The following KIAA1671 variants were observed in gnomAD, a reference collection of about 807,000 sequenced individuals.
KIAA1671 encodes the protein KIAA1671.
Under a neutral mutation model 131.2 loss-of-function variants are expected in KIAA1671, and 52 were observed. The ratio of observed to expected loss-of-function variants is 0.40; its 90% CI spans 0.32 to 0.50. The LOEUF is 0.50. Ranked by LOEUF, KIAA1671 falls within the 20% of genes least tolerant of loss-of-function variation. The probability of loss-of-function intolerance (pLI) is 0.73; values close to 1 mark genes in which losing one functional copy is unlikely to be tolerated. For synonymous variants in KIAA1671, 1,003 were observed against 961.6 expected (o/e 1.04, Z -0.80); for missense variants, 2,360 against 2,364.2 (o/e 1.00, Z 0.04).
intron 1 of KIAA1671, among the ~76,000 whole-genome samples, chr22:25,004,113 G>A (rs1182671871): frequency 3.4e-5 from 5 of 147,788 alleles, no homozygotes; most frequent in East Asian, 3.9e-4. Context: ...CACTGTGCCC[G>A]GCCATTTTTT....
At chr22:25,100,503 C>T (rs1930608713) in intron 6 of KIAA1671, among the ~76,000 whole-genome samples, 1 of 152,118 alleles carries the variant, frequency 6.6e-6, no homozygotes, top group Non-Finnish European at 1.5e-5. Context: ...GGCAGGGTAG[C>T]CCGGTGGTTA....
At chr22:24,966,998 C>A (rs1357572568) in intron 1 of KIAA1671, among the ~76,000 whole-genome samples, 4 of 152,162 alleles carry the variant, frequency 2.6e-5, no homozygotes, top group Non-Finnish European at 5.9e-5. Flanking sequence ...GGCCTGAAGT[C>A]AGGCCTCCTG....
At chr22:24,986,084 A>T (rs559893039) in intron 1 of KIAA1671, among the ~76,000 whole-genome samples, 1 of 152,242 alleles carries the variant, frequency 6.6e-6, no homozygotes, top group South Asian at 2.1e-4. Flanking sequence ...TAGTGAAAGG[A>T]CTTATCTCAG....
At chr22:24,986,072 C>G (rs1923514228) in intron 1 of KIAA1671, among the ~76,000 whole-genome samples, 1 of 152,128 alleles carries the variant, frequency 6.6e-6, no homozygotes, top group Non-Finnish European at 1.5e-5. Context: ...TCCTTCCTCT[C>G]CTAGTGAAAG....
At chr22:25,147,601 T>G (rs978934370) in intron 6 of KIAA1671, among the ~76,000 whole-genome samples, 1 of 152,138 alleles carries the variant, frequency 6.6e-6, no homozygotes, top group Non-Finnish European at 1.5e-5. Flanking sequence ...GGCCCTCATC[T>G]CTTTGCTCAA....
intron 10 of KIAA1671, among the ~76,000 whole-genome samples, chr22:25,184,774 G>A (rs755332446): frequency 6.6e-6 from 1 of 152,050 alleles, no homozygotes. Context: ...GTGGTGATTC[G>A]ATCTTGGGGG....
intron 2 of KIAA1671, among the ~76,000 whole-genome samples, chr22:25,026,771 A>AG (rs1925965754): frequency 2.0e-5 from 3 of 150,302 alleles, no homozygotes; most frequent in African/African-American, 4.9e-5. Flanking sequence ...GGTGGACTTG[A>AG]GGTTAGGTTT....
chr22:25,066,737 G>A (rs797014751), intron 6 of KIAA1671, among the ~76,000 whole-genome samples: 21 of 152,250 alleles, frequency 1.4e-4, no homozygotes, highest in African/African-American at 4.8e-4. Context: ...CCCACTTAGG[G>A]GAGGAAGCCT....
At chr22:25,041,879 G>C (rs2145808712) in intron 5 of KIAA1671, among the ~76,000 whole-genome samples, 1 of 152,236 alleles carries the variant, frequency 6.6e-6, no homozygotes, top group South Asian at 2.1e-4. Flanking sequence ...CAAATAGCTG[G>C]GATGACAGGC....
At chr22:25,055,297 T>C (rs1927775639) in intron 6 of KIAA1671, 1 of 150,104 alleles carries the variant, frequency 6.7e-6, no homozygotes, top group Non-Finnish European at 1.5e-5. Context: ...CAAGAACATA[T>C]CCTGGCTGCT....
In KIAA1671 at chr22:25,007,909, C is replaced by G. The variant is rs149372841; in HGVS notation, c.-207-17724C>G. ...TACACTGCCACTTCAAGAAAAGTTG[C>G]TGTCGGCCAGGCACGGTGGCTCACG... On this transcript the variant is annotated intron_variant, in intron 1 of 12. Coordinates refer to ENST00000358431, the MANE Select transcript of KIAA1671 (RefSeq NM_001145206.2). Among the ~76,000 whole-genome samples, 586 of 151,908 alleles carry G rather than the reference C, an allele frequency of 3.9e-3. 6 individuals carry two copies. The highest frequency in any genetic ancestry group is 0.013 in the African/African-American group (549 of 41,470).
chr22:25,088,538 C>T (rs1008880648), intron 6 of KIAA1671, among the ~76,000 whole-genome samples: 6 of 152,186 alleles, frequency 3.9e-5, no homozygotes, highest in Admixed American at 1.3e-4. Flanking sequence ...AATGGATACA[C>T]GTGTGATGAT....
intron 6 of KIAA1671, among the ~76,000 whole-genome samples, chr22:25,132,268 G>C (rs890152475): frequency 6.6e-6 from 1 of 152,126 alleles, no homozygotes; most frequent in Non-Finnish European, 1.5e-5. Flanking sequence ...AACAATGCAA[G>C]TACCCAGGCC....
rs543491504 is a variant in KIAA1671, at chr22:25,162,770, C to T, written c.4531-8050C>T. 5.3e-5 allele frequency among the ~76,000 whole-genome samples: 8 copies of T among 152,336 alleles called. No homozygotes were observed. In the South Asian group the frequency reaches 1.7e-3, roughly 32 times the overall value. On this transcript the variant is annotated intron_variant, in intron 6 of 12. Coordinates refer to ENST00000358431, the MANE Select transcript of KIAA1671 (RefSeq NM_001145206.2). ...AGTTTTATTGGGACACAGCCATGCA[C>T]ACTCATTTAGCTATGAGTCTTGTGC...
intron 1 of KIAA1671, among the ~76,000 whole-genome samples, chr22:24,967,489 T>G (rs1198858058): frequency 6.6e-6 from 1 of 152,222 alleles, no homozygotes; most frequent in Non-Finnish European, 1.5e-5. Flanking sequence ...GGATAGTTGA[T>G]CATTTTCATC....
chr22:25,001,485 C>T (rs1924478134), intron 1 of KIAA1671, among the ~76,000 whole-genome samples: 5 of 152,010 alleles, frequency 3.3e-5, no homozygotes, highest in Admixed American at 2.6e-4. Flanking sequence ...AAGTTGATGC[C>T]TGCCCCAATG....
Position 25,185,016 on chromosome 22 carries a change from G to A in KIAA1671, c.5239G>A (p.Glu1747Lys), listed in dbSNP as rs1350917677. 1.5e-5 allele frequency: 23 copies of A among 1,551,506 alleles called. No homozygotes were observed. In the Admixed American group the frequency reaches 2.0e-4, roughly 13 times the overall value. Reference protein sequence around the residue: ...HKRPEVDSPGETPSWAPQPKS... With the variant: ...HKRPEVDSPGKTPSWAPQPKS... ...GAGGCCAGAGGTGGACAGTCCTGGC[G>A]AGACCCCCAGCTGGGCACCCCAACC... The change falls in exon 11 of 13, where the codon GAG becomes AAG. Residue 1747 changes from glutamate to lysine, a missense_variant. Physicochemically the swap from Glu to Lys is moderately conservative, Grantham distance 56. This residue lies in a region of KIAA1671 where 1,161 missense variants were observed against 1,204.7 expected (regional missense o/e 0.96). Coordinates refer to ENST00000358431, the MANE Select transcript of KIAA1671 (RefSeq NM_001145206.2).
chr22:25,018,715 G>A (rs911576640), intron 1 of KIAA1671, among the ~76,000 whole-genome samples: 131 of 152,232 alleles, frequency 8.6e-4, no homozygotes, highest in Non-Finnish European at 1.4e-3. Context: ...AGGGTCATCC[G>A]TATTGTAGCA....
intron 1 of KIAA1671, among the ~76,000 whole-genome samples, chr22:25,001,253 A>G (rs12167606): frequency 0.013 from 1,249 of 93,866 alleles, 24 homozygotes; most frequent in African/African-American, 0.037. Flanking sequence ...GTGTGTGTGT[A>G]TGTGTGTGTA....
Sources: allele counts gnomAD v4.1 joint callset (sites outside exome capture counted in the v4.1 genomes callset), GRCh38; gene constraint gnomAD v4.1.1; regional missense constraint gnomAD v4.1.1; transcripts MANE v1.5; gene names NCBI Gene and HGNC (gene_info 2026-07-23, HGNC 2026-07-21).